Variants in FOXO3 observed in about 807,000 individuals in gnomAD.
The protein encoded by FOXO3 is forkhead box O3, also known as forkhead box protein O3.
In FOXO3, 4 loss-of-function variants were observed where a neutral mutation model predicts 41.9. The observed-to-expected ratio is 0.10, with a 90% CI of 0.05 to 0.22. The LOEUF (loss-of-function observed/expected upper bound fraction) is 0.22, where lower values mean the gene tolerates loss of function less well. Ranked by LOEUF, FOXO3 falls within the 10% of genes least tolerant of loss-of-function variation. The probability of loss-of-function intolerance (pLI) is 1.00; values close to 1 mark genes in which losing one functional copy is unlikely to be tolerated. For missense variants in FOXO3, 534 were observed against 906.8 expected (o/e 0.59, Z 5.28); for synonymous variants, 318 against 389.3 (o/e 0.82, Z 2.16).
rs1180282701 is a variant in FOXO3, at chr6:108,561,116, C to T, written c.-93C>T. The T allele has an allele frequency of 6.3e-6, 9 of 1,437,942 alleles. No homozygotes were observed. In the South Asian group the frequency reaches 7.1e-5, roughly 11 times the overall value. 89.1% of individuals were successfully genotyped at this position (1,437,942 alleles called of 1,614,324 possible). A position where few individuals can be genotyped will look rare whatever the true frequency, so the allele number is the denominator to read the frequency against. Reference sequence around the variant, plus strand: ...GGCGGCGGCGCCCGGGAGCCGGAGCCTTCGCGGCGTCCACGTCCCTCCCCC... The same window carrying T: ...GGCGGCGGCGCCCGGGAGCCGGAGCTTTCGCGGCGTCCACGTCCCTCCCCC... On this transcript the variant is annotated 5_prime_UTR_variant, in exon 1 of 3. Coordinates refer to ENST00000406360, the MANE Select transcript of FOXO3 (RefSeq NM_001455.4).
intron 1 of FOXO3, among the ~76,000 whole-genome samples, chr6:108,616,304 A>G (rs767116938): frequency 2.0e-5 from 3 of 151,742 alleles, no homozygotes; most frequent in Non-Finnish European, 4.4e-5. Flanking sequence ...AGCTGGGACT[A>G]CAGGCACCCA....
intron 1 of FOXO3, among the ~76,000 whole-genome samples, chr6:108,660,259 T>C (rs1228206235): frequency 1.3e-5 from 2 of 152,222 alleles, no homozygotes; most frequent in African/African-American, 4.8e-5. Flanking sequence ...GCATGCTTCA[T>C]ACCTATTGCA....
At chr6:108,588,511 T>G (rs1224740849) in intron 1 of FOXO3, among the ~76,000 whole-genome samples, 1 of 152,228 alleles carries the variant, frequency 6.6e-6, no homozygotes, top group Non-Finnish European at 1.5e-5. Flanking sequence ...ATTTGTTATT[T>G]AAAGTGAGAT....
At chr6:108,620,264 C>A (rs1341350423) in intron 1 of FOXO3, among the ~76,000 whole-genome samples, 1 of 152,150 alleles carries the variant, frequency 6.6e-6, no homozygotes, top group African/African-American at 2.4e-5. Context: ...AACGTGGTTT[C>A]ATGTGCCTTT....
At chr6:108,619,858 G>T (rs746617493) in intron 1 of FOXO3, among the ~76,000 whole-genome samples, 1 of 152,154 alleles carries the variant, frequency 6.6e-6, no homozygotes, top group Non-Finnish European at 1.5e-5. Flanking sequence ...TTAATTTGGC[G>T]TGTCTTAATG....
chr6:108,622,606 C>G (rs1456825578), intron 1 of FOXO3, among the ~76,000 whole-genome samples: 1 of 152,062 alleles, frequency 6.6e-6, no homozygotes, highest in African/African-American at 2.4e-5. Context: ...CTTCCTCCTC[C>G]CACTCCAACT....
intron 1 of FOXO3, among the ~76,000 whole-genome samples, chr6:108,640,809 A>G (rs1778236897): frequency 6.6e-6 from 1 of 152,158 alleles, no homozygotes; most frequent in African/African-American, 2.4e-5. Flanking sequence ...AATGGATCCT[A>G]TTCATTCATA....
At chr6:108,589,677 A>T (rs1776680108) in intron 1 of FOXO3, among the ~76,000 whole-genome samples, 1 of 152,196 alleles carries the variant, frequency 6.6e-6, no homozygotes, top group African/African-American at 2.4e-5. Context: ...GGCAGGGGTG[A>T]CTGGCTGTTC....
chr6:108,659,828 G>T (rs535131328), intron 1 of FOXO3, among the ~76,000 whole-genome samples: 3 of 152,118 alleles, frequency 2.0e-5, no homozygotes, highest in Non-Finnish European at 2.9e-5. Context: ...AAAACTATAC[G>T]CATACGTTGT....
chr6:108,626,767 T>A (rs528269422), intron 1 of FOXO3, among the ~76,000 whole-genome samples: 86 of 152,344 alleles, frequency 5.6e-4, no homozygotes, highest in African/African-American at 2.0e-3. Context: ...GTGATTTTTA[T>A]ATCCACTGTA....
intron 1 of FOXO3, among the ~76,000 whole-genome samples, chr6:108,568,934 A>T (rs1303599495): frequency 6.6e-6 from 1 of 152,234 alleles, no homozygotes; most frequent in Non-Finnish European, 1.5e-5. Flanking sequence ...TTGTTGCATT[A>T]AGAGAAAAAG....
At chr6:108,635,261 C>CTG (rs1415865490) in intron 1 of FOXO3, among the ~76,000 whole-genome samples, 1 of 151,998 alleles carries the variant, frequency 6.6e-6, no homozygotes, top group East Asian at 1.9e-4. Context: ...CACCACTGTA[C>CTG]TGTGGCCTGG....
At chr6:108,621,171 C>T (rs1251612475) in intron 1 of FOXO3, among the ~76,000 whole-genome samples, 2 of 152,144 alleles carry the variant, frequency 1.3e-5, no homozygotes, top group African/African-American at 2.4e-5. Context: ...AATCACCAAA[C>T]GAGTGTAATC....
intron 1 of FOXO3, among the ~76,000 whole-genome samples, chr6:108,623,221 C>T (rs1004357122): frequency 3.9e-5 from 6 of 152,096 alleles, no homozygotes; most frequent in African/African-American, 1.4e-4. Context: ...CAGCAGGAGC[C>T]GTAGTCGTCT....
intron 1 of FOXO3, among the ~76,000 whole-genome samples, chr6:108,614,292 A>G (rs1307317548): frequency 6.6e-6 from 1 of 152,156 alleles, no homozygotes; most frequent in Non-Finnish European, 1.5e-5. Flanking sequence ...ATCCAGCTGT[A>G]ATTGTGGATT....
intron 1 of FOXO3, among the ~76,000 whole-genome samples, chr6:108,641,774 G>A (rs1002155004): frequency 5.9e-5 from 9 of 152,042 alleles, no homozygotes; most frequent in African/African-American, 2.2e-4. Context: ...TATGTGGAGG[G>A]CTAGAATTGC....
chr6:108,651,846 T>C (rs1778555163), intron 1 of FOXO3, among the ~76,000 whole-genome samples: 1 of 152,248 alleles, frequency 6.6e-6, no homozygotes. Context: ...TAAACAGAAG[T>C]ATCCTGATCA....
At position 108,663,843 on chromosome 6, in the gene FOXO3, A is replaced by T. The variant is rs2128387017; in HGVS notation, c.1010A>T (p.Gln337Leu). 2.5e-6 allele frequency: 4 copies of T among 1,613,902 alleles called. No homozygotes were observed. Among genetic ancestry groups the T allele is most frequent in the Non-Finnish European group, 3.4e-6 (4 of 1,179,808 alleles). ...IMASTELDEV[Q>L]DDDAPLSPML... Reference sequence around the variant, plus strand: ...GCAAGCACAGAGTTGGATGAAGTCCAGGACGATGATGCGCCTCTCTCGCCC... The same window carrying T: ...GCAAGCACAGAGTTGGATGAAGTCCTGGACGATGATGCGCCTCTCTCGCCC... Residue 337 changes from glutamine (Q) to leucine (L), a missense_variant, in exon 2 of 3, where the codon CAG becomes CTG. Around this residue, in one of 8 missense-constraint regions of FOXO3, gnomAD observed 185 missense variants for 224.9 expected, o/e 0.82. Transcript: ENST00000406360.
intron 1 of FOXO3, among the ~76,000 whole-genome samples, chr6:108,654,412 C>T (rs994773784): frequency 1.3e-5 from 2 of 152,176 alleles, no homozygotes; most frequent in Non-Finnish European, 2.9e-5. Context: ...AGAGAACTTT[C>T]TTCCTATCTA....
Sources: gnomAD v4.1 joint callset for allele counts (sites outside exome capture counted in the v4.1 genomes callset) on GRCh38, gnomAD v4.1.1 for gene constraint, gnomAD v4.1.1 regional missense constraint, MANE v1.5 for transcripts, NCBI Gene and HGNC (gene_info 2026-07-23, HGNC 2026-07-21) for gene names.